Variants in CIRBP observed in about 807,000 individuals in gnomAD.
CIRBP encodes cold-inducible RNA-binding protein.
In CIRBP, 11 loss-of-function variants were observed where a neutral mutation model predicts 22.3. The observed-to-expected ratio is 0.49, with a 90% CI of 0.31 to 0.82. The LOEUF (loss-of-function observed/expected upper bound fraction) is 0.82, where lower values mean the gene tolerates loss of function less well. CIRBP is among the 40% of genes least tolerant of loss of function. CIRBP has a pLI of 0.05. For synonymous variants in CIRBP, 216 were observed against 158.8 expected (o/e 1.36, Z -2.71); for missense variants, 456 against 402.7 (o/e 1.13, Z -1.13).
Position 1,273,817 on chromosome 19 carries a change from T to C in CIRBP, c.*1374T>C, listed in dbSNP as rs965361659. ...TGACTGTTTTTTGTTTTTCCTTTTTTTTTTAACTTTGTTTTTGTTTTTTTC... is the reference window on the plus strand; with the variant it reads ...TGACTGTTTTTTGTTTTTCCTTTTTCTTTTAACTTTGTTTTTGTTTTTTTC... On this transcript the variant is annotated 3_prime_UTR_variant, in exon 6 of 6. Transcript: ENST00000587896. The C allele has an allele frequency of 6.5e-6, 1 of 152,952 alleles. No homozygotes were observed. The highest frequency in any genetic ancestry group is 1.9e-4 in the East Asian group (1 of 5,256). The allele number at this position is 152,952 out of a possible 1,614,324, so 9.5% of individuals were successfully genotyped here. A position where few individuals can be genotyped will look rare whatever the true frequency, so the allele number is the denominator to read the frequency against.
chr19:1,274,156 G>T lies in CIRBP; in HGVS notation c.*1713G>T. The T allele has an allele frequency of 2.5e-6, 1 of 394,608 alleles. No individual in the cohort carries two copies. The allele number at this position is 394,608 out of a possible 1,614,324, so 24.4% of individuals were successfully genotyped here. A position where few individuals can be genotyped will look rare whatever the true frequency, so the allele number is the denominator to read the frequency against. On this transcript the variant is annotated 3_prime_UTR_variant, in exon 6 of 6. Transcript: ENST00000587896. ...CTGCGCCAAGGTGCAGACCCGCCCT[G>T]GGCATGCTGGCCTGTGACGGAGCCT...
chr19:1,271,098 G>C (rs765654317), intron 2 of CIRBP, 42 bp from the exon 3 acceptor site: 2 of 1,611,118 alleles, frequency 1.2e-6, no homozygotes, highest in South Asian at 2.2e-5. Flanking sequence ...CTACCTGGAA[G>C]TACAGCTGGG....
In CIRBP at chr19:1,274,695, C is replaced by T. The variant is rs566545042; in HGVS notation, c.*2252C>T. Reference sequence around the variant, plus strand: ...GCGGGCTCAGGGCCTCGAGTCTCTCCTGGAGCACGGGCTGCGGTGCGCCGG... The same window carrying T: ...GCGGGCTCAGGGCCTCGAGTCTCTCTTGGAGCACGGGCTGCGGTGCGCCGG... On this transcript the variant is annotated 3_prime_UTR_variant, in exon 6 of 6. Coordinates refer to ENST00000587896, the MANE Select transcript of CIRBP (RefSeq NM_001300829.2). The T allele has an allele frequency of 3.3e-4, 61 of 182,698 alleles. No homozygotes were observed. Among genetic ancestry groups the T allele is most frequent in the Non-Finnish European group, 6.7e-4 (59 of 88,454 alleles). The allele number at this position is 182,698 out of a possible 1,614,324, so 11.3% of individuals were successfully genotyped here.
downstream of CIRBP, chr19:1,274,859 A>T (rs918604576): frequency 6.6e-6 from 1 of 152,486 alleles, no homozygotes; most frequent in African/African-American, 2.4e-5. Context: ...GGGCCACTGG[A>T]AGAAAAGCCT....
At chr19:1,270,716 T>G (rs1249442643) in intron 1 of CIRBP, among the ~76,000 whole-genome samples, 2 of 152,126 alleles carry the variant, frequency 1.3e-5, no homozygotes, top group Non-Finnish European at 2.9e-5. Context: ...GAGGCTGCAG[T>G]GACCCCTGCA....
chr19:1,272,187 CCT>C lies in CIRBP; in HGVS notation c.642_643del (p.Gln215GlufsTer12). 1.3e-6 allele frequency: 2 copies of C among 1,597,406 alleles called. No individual in the cohort carries two copies. Among genetic ancestry groups the C allele is most frequent in the Middle Eastern group, 1.7e-4 (1 of 6,046 alleles). On this transcript the variant is annotated frameshift_variant, in exon 6 of 6. Transcript: ENST00000587896. LOFTEE classifies it low-confidence loss of function (END_TRUNC). Reference sequence around the variant, plus strand: ...GCTTGCCCAGAAGAGGCGCATCTGTCCTCTCAGAGCCATTTCTATCGCAGGAC... The same window carrying C: ...GCTTGCCCAGAAGAGGCGCATCTGTCCTCAGAGCCATTTCTATCGCAGGAC...
At position 1,272,205 on chromosome 19, in the gene CIRBP, A is replaced by G. The variant is rs748321036; in HGVS notation, c.656A>G (p.Tyr219Cys). ...EAHLSSQSHF[Y>C]RRTQKPNETD... The stretch of plus-strand genomic sequence containing the variant: ...CATCTGTCCTCTCAGAGCCATTTCT[A>G]TCGCAGGACGCAAAAGCCAAATGAG... Residue 219 changes from tyrosine to cysteine, a missense_variant, in exon 6 of 6, where the codon TAT (tyrosine) becomes TGT (cysteine). This residue lies in a region of CIRBP where 426 missense variants were observed against 339.6 expected (regional missense o/e 1.25). Coordinates refer to ENST00000587896, the MANE Select transcript of CIRBP (RefSeq NM_001300829.2). 1.8e-5 allele frequency: 29 copies of G among 1,594,148 alleles called. No individual in the cohort carries two copies. Among genetic ancestry groups the G allele is most frequent in the African/African-American group, 2.7e-5 (2 of 74,668 alleles).
chr19:1,271,877 T>C, intron 5 of CIRBP, 104 bp from the exon 6 acceptor site: 1 of 1,012,866 alleles, frequency 9.9e-7, no homozygotes, highest in Non-Finnish European at 1.5e-6. Context: ...CCTTGTTGTG[T>C]CCCCAGAAGG....
At position 1,272,069 on chromosome 19, in the gene CIRBP, G is replaced by A. The variant is rs1245872004; in HGVS notation, c.520G>A (p.Gly174Ser). The A allele has an allele frequency of 6.2e-7, 1 of 1,614,068 alleles. No homozygotes were observed. Among genetic ancestry groups the A allele is most frequent in the Non-Finnish European group, 8.5e-7 (1 of 1,179,998 alleles). Residue 174 changes from glycine (G) to serine (S), a missense_variant, in exon 6 of 6, where the codon GGC (glycine) becomes AGC (serine). Transcript: ENST00000587896. Reference sequence around the variant, plus strand: ...CAGTTACGGTAAGTCACACTCCGAGGGCGCCACGCTGCTGTGGCCTGCGGT... The same window carrying A: ...CAGTTACGGTAAGTCACACTCCGAGAGCGCCACGCTGCTGTGGCCTGCGGT... ...YDSYGKSHSEGATLLWPAVGA... is the reference protein window; with the variant it reads ...YDSYGKSHSESATLLWPAVGA...
intron 1 of CIRBP, chr19:1,270,324 T>A (rs978208925): frequency 3.9e-5 from 14 of 355,506 alleles, no homozygotes; most frequent in Non-Finnish European, 7.8e-5. Context: ...GGGTAGGAGT[T>A]GGCACCCGTT....
rs1258255318 is a variant in CIRBP at position 1,272,133 on chromosome 19, T to C, written c.584T>C (p.Leu195Ser). 1.5e-5 allele frequency: 25 copies of C among 1,613,166 alleles called. No homozygotes were observed. Among genetic ancestry groups the C allele is most frequent in the Non-Finnish European group, 1.9e-5 (23 of 1,179,896 alleles). Residue 195 changes from leucine to serine, a missense_variant, in exon 6 of 6, where the codon TTA (leucine) becomes TCA (serine). Leu to Ser is a moderately radical substitution (Grantham distance 145). Transcript: ENST00000587896. ...RFTLVPSPSTLGWTLRPCHCA... is the reference protein window; with the variant it reads ...RFTLVPSPSTSGWTLRPCHCA... ...ACCTTGGTGCCCTCTCCAAGCACTT[T>C]AGGCTGGACACTCAGACCTTGTCAC...
At chr19:1,270,315 G>C (rs755903032) in intron 1 of CIRBP, 1 of 357,856 alleles carries the variant, frequency 2.8e-6, no homozygotes, top group Non-Finnish European at 5.6e-6. Flanking sequence ...AGTTGGTTAG[G>C]GTAGGAGTTG....
Position 1,271,325 on chromosome 19 carries a change from C to T in CIRBP, c.211-4C>T, listed in dbSNP as rs1465017072. The T allele has an allele frequency of 1.2e-6, 2 of 1,614,082 alleles. No homozygotes were observed. The highest frequency in any genetic ancestry group is 8.5e-7 in the Non-Finnish European group (1 of 1,180,044). ...TGCTAACCCGTCCCGCCCTCTGTCT[C>T]CAGTCTGTAGATGGACGGCAGATCC... is the stretch of plus-strand genomic sequence containing the variant. On this transcript the variant is annotated splice_polypyrimidine_tract_variant and splice_region_variant and intron_variant, in intron 3 of 5. Transcript: ENST00000587896.
intron 1 of CIRBP, 84 bp from the exon 2 acceptor site, chr19:1,270,844 C>G (rs557991691): frequency 1.1e-6 from 1 of 874,756 alleles, no homozygotes; most frequent in South Asian, 1.4e-5. Flanking sequence ...CCCTAAAAAA[C>G]ACATGTCATT....
At chr19:1,270,817 T>C (rs2081326850) in intron 1 of CIRBP, 111 bp from the exon 2 acceptor site, 9 of 808,062 alleles carry the variant, frequency 1.1e-5, no homozygotes, top group East Asian at 2.4e-5. Context: ...AATAAAAATC[T>C]GATTTTCTAA....
At chr19:1,269,832 T>G (rs557051802) in intron 1 of CIRBP, 1 of 518,948 alleles carries the variant, frequency 1.9e-6, no homozygotes, top group East Asian at 5.5e-5. Flanking sequence ...TACCGAGCCT[T>G]AGTTTCCTCC....
At position 1,271,458 on chromosome 19, in the gene CIRBP, T is replaced by C. The variant is rs1472035485; in HGVS notation, c.340T>C (p.Phe114Leu). 5.0e-6 allele frequency: 8 copies of C among 1,609,108 alleles called. No homozygotes were observed. The South Asian group carries it at 8.9e-5, about 18-fold the overall frequency. Residue 114 changes from phenylalanine to leucine, a missense_variant, in exon 4 of 6, where the codon TTC becomes CTC. Coordinates refer to ENST00000587896, the MANE Select transcript of CIRBP (RefSeq NM_001300829.2). ...TGGGGGCCGAGGACGGGGCCGTGGG[T>C]TCTCTAGAGGTGAGTGCCATGAGTG... ...FRGGRGRGRGFSRGGGDRGYG... is the reference protein window; with the variant it reads ...FRGGRGRGRGLSRGGGDRGYG...
chr19:1,269,813 G>A (rs781692642), intron 1 of CIRBP: 8 of 516,926 alleles, frequency 1.5e-5, no homozygotes. Flanking sequence ...ACACACCAAC[G>A]CTTTTGCTTA....
In CIRBP at chr19:1,272,740, GGTTTTTGGTTTTTGTTTTA is replaced by G. The variant is rs1019512968; in HGVS notation, c.*308_*326del. On this transcript the variant is annotated 3_prime_UTR_variant, in exon 6 of 6. Coordinates refer to ENST00000587896, the MANE Select transcript of CIRBP (RefSeq NM_001300829.2). ...TTTCAAAAAAATCGGGGGTTGTGTG[GGTTTTTGGTTTTTGTTTTA>G]GTTTTTGGTTGCGTTGCCTTTTTTT... 2 of 281,406 alleles carry G rather than the reference GGTTTTTGGTTTTTGTTTTA, an allele frequency of 7.1e-6. No individual in the cohort carries two copies. The highest frequency in any genetic ancestry group is 1.3e-5 in the Non-Finnish European group (2 of 151,016). 17.4% of individuals were successfully genotyped at this position (281,406 alleles called of 1,614,324 possible). A position where few individuals can be genotyped will look rare whatever the true frequency, so the allele number is the denominator to read the frequency against.
Sources: gnomAD v4.1 joint callset for allele counts (sites outside exome capture counted in the v4.1 genomes callset) on GRCh38, gnomAD v4.1.1 for gene constraint, gnomAD v4.1.1 regional missense constraint, MANE v1.5 for transcripts, NCBI Gene and HGNC (gene_info 2026-07-23, HGNC 2026-07-21) for gene names.